Variants in LOC128125817 observed in about 807,000 individuals in gnomAD.
the LOC128125817 span, among the ~76,000 whole-genome samples, chr1:41,596,194 C>T: frequency 6.6e-6 from 1 of 152,186 alleles, no homozygotes; most frequent in Non-Finnish European, 1.5e-5. Context: ...TTATGTCAAG[C>T]AGATCTTCTA....
chr1:41,589,216 C>T, the LOC128125817 span, among the ~76,000 whole-genome samples: 2 of 152,116 alleles, frequency 1.3e-5, no homozygotes, highest in African/African-American at 2.4e-5. Context: ...GAGGCCTGAA[C>T]CCCAGACCAG....
At chr1:41,599,775 T>A in the LOC128125817 span, among the ~76,000 whole-genome samples, 1 of 151,908 alleles carries the variant, frequency 6.6e-6, no homozygotes, top group Non-Finnish European at 1.5e-5. Flanking sequence ...AAGGACAACA[T>A]CAACAGAGTA....
At chr1:41,627,517 G>A in the LOC128125817 span, among the ~76,000 whole-genome samples, 1 of 152,172 alleles carries the variant, frequency 6.6e-6, no homozygotes, top group South Asian at 2.1e-4. Context: ...TAGGCCTAGG[G>A]CTGGTAGGCC....
chr1:41,627,831 G>A, the LOC128125817 span, among the ~76,000 whole-genome samples: 113 of 152,222 alleles, frequency 7.4e-4, no homozygotes, highest in Middle Eastern at 6.8e-3. Flanking sequence ...ACCCCCAAGA[G>A]TCTGATGCAG....
chr1:41,588,907 G>A, the LOC128125817 span, among the ~76,000 whole-genome samples: 1 of 152,142 alleles, frequency 6.6e-6, no homozygotes, highest in Non-Finnish European at 1.5e-5. Flanking sequence ...AGGAGGGGCA[G>A]GGGGAGAAGG....
chr1:41,605,930 A>T, the LOC128125817 span, among the ~76,000 whole-genome samples: 1 of 152,200 alleles, frequency 6.6e-6, no homozygotes, highest in Admixed American at 6.5e-5. Context: ...CACGGTCATG[A>T]TACATCTGAT....
chr1:41,585,309 C>T, the LOC128125817 span: 2 of 399,024 alleles, frequency 5.0e-6, no homozygotes, highest in Non-Finnish European at 8.8e-6. Flanking sequence ...GGAGAAATCA[C>T]GCTCTTCTTC....
the LOC128125817 span, among the ~76,000 whole-genome samples, chr1:41,619,849 C>T: frequency 2.6e-5 from 4 of 152,162 alleles, no homozygotes; most frequent in Middle Eastern, 3.2e-3. Flanking sequence ...ATAGGAAATT[C>T]GCAGAGGTAG....
At chr1:41,626,980 G>A in the LOC128125817 span, among the ~76,000 whole-genome samples, 2 of 152,186 alleles carry the variant, frequency 1.3e-5, no homozygotes, top group African/African-American at 4.8e-5. Flanking sequence ...GTGCACAACA[G>A]GGGCAACAGG....
At chr1:41,589,143 A>G in the LOC128125817 span, among the ~76,000 whole-genome samples, 76,303 of 152,144 alleles carry the variant, frequency 0.5, 19,936 homozygotes, top group Non-Finnish European at 0.58. Flanking sequence ...CCACTTTTCC[A>G]GGGAATTGGT....
At chr1:41,589,663 TG>T in the LOC128125817 span, among the ~76,000 whole-genome samples, 4 of 152,122 alleles carry the variant, frequency 2.6e-5, no homozygotes, top group Non-Finnish European at 5.9e-5. Flanking sequence ...GAATCTGCCT[TG>T]GGCTCTAGAC....
At chr1:41,587,393 T>C in the LOC128125817 span, among the ~76,000 whole-genome samples, 3 of 152,160 alleles carry the variant, frequency 2.0e-5, no homozygotes, top group Admixed American at 6.5e-5. Context: ...TTTCATTAGA[T>C]TACATCTCAG....
chr1:41,622,311 G>A, the LOC128125817 span, among the ~76,000 whole-genome samples: 5 of 152,142 alleles, frequency 3.3e-5, no homozygotes, highest in African/African-American at 4.8e-5. Context: ...GGCACTCAGG[G>A]GGCAGGGAAG....
At chr1:41,621,850 T>A in the LOC128125817 span, among the ~76,000 whole-genome samples, 1 of 152,140 alleles carries the variant, frequency 6.6e-6, no homozygotes, top group African/African-American at 2.4e-5. Flanking sequence ...TTCCCCAACT[T>A]GGAAAGACTT....
At chr1:41,612,607 G>A in the LOC128125817 span, among the ~76,000 whole-genome samples, 22 of 152,314 alleles carry the variant, frequency 1.4e-4, no homozygotes, top group East Asian at 3.3e-3. Flanking sequence ...CTGATTCTCC[G>A]TCCCATGGTT....
At chr1:41,593,010 A>T in the LOC128125817 span, among the ~76,000 whole-genome samples, 1 of 151,924 alleles carries the variant, frequency 6.6e-6, no homozygotes, top group South Asian at 2.1e-4. Context: ...CAATCCCCAA[A>T]TCTGGTTGTT....
At chr1:41,611,126 T>G in the LOC128125817 span, among the ~76,000 whole-genome samples, 1 of 152,234 alleles carries the variant, frequency 6.6e-6, no homozygotes, top group Non-Finnish European at 1.5e-5. Flanking sequence ...GTTACACTCC[T>G]GTTCTAAACA....
chr1:41,625,162 C>CAAAAAAAAAAAAAAA, the LOC128125817 span, among the ~76,000 whole-genome samples: 1 of 71,230 alleles, frequency 1.4e-5, no homozygotes, highest in Non-Finnish European at 2.5e-5. Context: ...GATTCCAACT[C>CAAAAAAAAAAAAAAA]AAAAAAAAAA....
At chr1:41,619,707 G>C in the LOC128125817 span, among the ~76,000 whole-genome samples, 6 of 152,276 alleles carry the variant, frequency 3.9e-5, no homozygotes, top group East Asian at 9.7e-4. Context: ...AGCAGAGGGA[G>C]AGCCAGGGCT....
Sources: gnomAD v4.1 joint callset for allele counts (sites outside exome capture counted in the v4.1 genomes callset) on GRCh38, gnomAD v4.1.1 for gene constraint, MANE v1.5 for transcripts.